CDHR2: variants seen among roughly 807,000 people sequenced by gnomAD.
CDHR2 encodes cadherin related family member 2, also known as cadherin-related family member 2.
CDHR2 carries 104 observed loss-of-function variants against 138.6 expected under a neutral mutation model. That is an observed-to-expected ratio of 0.75 (90% confidence interval 0.64 to 0.88). CDHR2 has a LOEUF of 0.88. Among genes scored for constraint, CDHR2 ranks in the 40% least tolerant of loss-of-function variants. The pLI is 0.00. For synonymous variants in CDHR2, 755 were observed against 742.8 expected (o/e 1.02, Z -0.27); for missense variants, 1,624 against 1,727.6 (o/e 0.94, Z 1.06).
chr5:176,579,810 G>A (rs1758483530), intron 16 of CDHR2, among the ~76,000 whole-genome samples: 1 of 152,154 alleles, frequency 6.6e-6, no homozygotes, highest in Non-Finnish European at 1.5e-5. Context: ...CACTTACCCA[G>A]TCTTTGGCTG....
intron 5 of CDHR2, among the ~76,000 whole-genome samples, chr5:176,570,950 TAAA>T (rs35630981): frequency 2.5e-4 from 31 of 123,822 alleles, no homozygotes; most frequent in East Asian, 1.1e-3. Flanking sequence ...AAACTCTGTC[TAAA>T]AAAAAAAAAA....
intron 7 of CDHR2, 85 bp from the exon 8 acceptor site, chr5:176,574,999 T>C (rs1004734300): frequency 7.5e-5 from 115 of 1,530,798 alleles, no homozygotes; most frequent in Middle Eastern, 2.0e-4. Context: ...GTGGCAGAGC[T>C]GGGACCTTCC....
At chr5:176,546,745 C>CAA (rs10719325), upstream of CDHR2, among the ~76,000 whole-genome samples, 43 of 61,300 alleles carry the variant, frequency 7.0e-4, 1 homozygote, top group African/African-American at 2.0e-3. Flanking sequence ...ACATGGTGCT[C>CAA]AAAAAAAAAA....
chr5:176,572,704 G>A (rs545013469), intron 6 of CDHR2, among the ~76,000 whole-genome samples: 43 of 152,306 alleles, frequency 2.8e-4, no homozygotes, highest in African/African-American at 9.1e-4. Context: ...CTGAACTTCC[G>A]TTGCCATGTG....
intron 5 of CDHR2, 130 bp downstream of exon 5, chr5:176,569,140 C>A: frequency 1.5e-6 from 1 of 668,132 alleles, no homozygotes; most frequent in Non-Finnish European, 2.4e-6. Context: ...CGAGATTATA[C>A]TAGTTCATTT....
chr5:176,548,120 C>T (rs564292711), upstream of CDHR2, among the ~76,000 whole-genome samples: 1 of 152,290 alleles, frequency 6.6e-6, no homozygotes, highest in African/African-American at 2.4e-5. Flanking sequence ...AACTGTAACA[C>T]AGGGGTAAGT....
chr5:176,546,296 G>C (rs1319248630), upstream of CDHR2, among the ~76,000 whole-genome samples: 1 of 152,036 alleles, frequency 6.6e-6, no homozygotes, highest in Non-Finnish European at 1.5e-5. Context: ...ATCTGTCTAA[G>C]GTCTATTTTC....
chr5:176,564,296 C>T (rs898500978), intron 1 of CDHR2, among the ~76,000 whole-genome samples: 2 of 152,242 alleles, frequency 1.3e-5, no homozygotes, highest in Middle Eastern at 3.2e-3. Context: ...AGCAATTCTC[C>T]TGCCTCAGAC....
chr5:176,556,457 G>T (rs1012262039), intron 1 of CDHR2, among the ~76,000 whole-genome samples: 1 of 152,208 alleles, frequency 6.6e-6, no homozygotes, highest in Non-Finnish European at 1.5e-5. Context: ...ACAAGGTCAG[G>T]AGATCGAGAC....
chr5:176,583,785 A>G (rs1002217816), intron 17 of CDHR2, among the ~76,000 whole-genome samples: 4 of 152,136 alleles, frequency 2.6e-5, no homozygotes, highest in African/African-American at 9.7e-5. Flanking sequence ...TGGGCCTTGG[A>G]GCCTTTGTGG....
chr5:176,583,575 A>G (rs1193492756), intron 17 of CDHR2, among the ~76,000 whole-genome samples: 2 of 151,200 alleles, frequency 1.3e-5, no homozygotes, highest in Non-Finnish European at 2.9e-5. Context: ...GGCTGTGACA[A>G]TAGTTGCAGG....
In CDHR2 at chr5:176,589,630, G is replaced by C; in HGVS notation, c.3206+14G>C. On this transcript the variant is annotated intron_variant, in intron 24 of 31. Coordinates refer to ENST00000261944, the MANE Select transcript of CDHR2 (RefSeq NM_017675.6). ...GGCGATTAATGCGTAGGTCTGGGGA[G>C]CCCCGGAGGGAGGGGTAGGAAGAAC... is the stretch of plus-strand genomic sequence containing the variant. The C allele has an allele frequency of 6.2e-7, 1 of 1,612,572 alleles. No individual in the cohort carries two copies. The highest frequency in any genetic ancestry group is 8.5e-7 in the Non-Finnish European group (1 of 1,178,776).
chr5:176,570,295 C>G (rs1409378876), intron 5 of CDHR2, among the ~76,000 whole-genome samples: 1 of 152,200 alleles, frequency 6.6e-6, no homozygotes, highest in Non-Finnish European at 1.5e-5. Flanking sequence ...TATACTATGG[C>G]AAACAAAGCG....
In CDHR2 at chr5:176,575,775, T is replaced by C. The variant is rs753136742; in HGVS notation, c.896T>C (p.Val299Ala). The part of the protein sequence containing the change: ...FDIGADGVIR[V>A]NGSLDREQLL... ...ATCGGGGCAGATGGGGTGATCAGGGTCAACGGCTCCCTGGACCGTGAGCAG... is the reference window on the plus strand; with the variant it reads ...ATCGGGGCAGATGGGGTGATCAGGGCCAACGGCTCCCTGGACCGTGAGCAG... Residue 299 changes from valine (V) to alanine (A), a missense_variant, in exon 11 of 32, where the codon GTC becomes GCC. By Grantham distance (64) the Val-to-Ala change is moderately conservative. Around this residue, in one of 3 missense-constraint regions of CDHR2, gnomAD observed 1,061 missense variants for 1,136.6 expected, o/e 0.93. Coordinates refer to ENST00000261944, the MANE Select transcript of CDHR2 (RefSeq NM_017675.6). 9 of 1,564,554 alleles carry C rather than the reference T, an allele frequency of 5.8e-6. No homozygotes were observed. The highest frequency in any genetic ancestry group is 7.8e-6 in the Non-Finnish European group (9 of 1,154,096).
At chr5:176,585,470 C>A (rs925751417) in intron 19 of CDHR2, among the ~76,000 whole-genome samples, 1 of 152,214 alleles carries the variant, frequency 6.6e-6, no homozygotes, top group Non-Finnish European at 1.5e-5. Context: ...TCCACACAAC[C>A]CATGGGGTAG....
At chr5:176,557,485 C>T (rs1005645705) in intron 1 of CDHR2, among the ~76,000 whole-genome samples, 24 of 150,830 alleles carry the variant, frequency 1.6e-4, no homozygotes, top group East Asian at 4.0e-4. Flanking sequence ...GGATTATAGG[C>T]GTGAGCCACT....
intron 1 of CDHR2, among the ~76,000 whole-genome samples, chr5:176,559,906 G>A (rs774151507): frequency 2.6e-5 from 4 of 152,132 alleles, no homozygotes; most frequent in Admixed American, 6.5e-5. Flanking sequence ...GTTTAACAGC[G>A]AGGAAATATC....
At chr5:176,546,330 C>A (rs141169037), upstream of CDHR2, among the ~76,000 whole-genome samples, 1,010 of 152,236 alleles carry the variant, frequency 6.6e-3, 9 homozygotes, top group African/African-American at 0.024. Context: ...GGAAAAAAAT[C>A]ATCCCTGGAG....
At position 176,584,423 on chromosome 5, in the gene CDHR2, C is replaced by A. The variant is rs202028243; in HGVS notation, c.2142C>A (p.Gly714=). ...VKEEDPGVLV[G]VVKAWDADQT... ...CCTTGTCCACAGGAGTGCTAGTGGG[C>A]GTGGTGAAGGCCTGGGACGCGGACC... Residue 714 remains glycine (G), a synonymous_variant, in exon 19 of 32, where the codon GGC becomes GGA. Coordinates refer to ENST00000261944, the MANE Select transcript of CDHR2 (RefSeq NM_017675.6). 3.1e-6 allele frequency: 5 copies of A among 1,597,270 alleles called. No homozygotes were observed. The highest frequency in any genetic ancestry group is 3.4e-6 in the Non-Finnish European group (4 of 1,169,708).
Sources: gnomAD v4.1 joint callset for allele counts (sites outside exome capture counted in the v4.1 genomes callset) on GRCh38, gnomAD v4.1.1 for gene constraint, gnomAD v4.1.1 regional missense constraint, MANE v1.5 for transcripts, NCBI Gene and HGNC (gene_info 2026-07-23, HGNC 2026-07-21) for gene names.